PPP1R21: variants seen among roughly 807,000 people sequenced by gnomAD.
PPP1R21 encodes the protein protein phosphatase 1 regulatory subunit 21, also known as KLRAQ motif containing 1.
A neutral mutation model predicts 112.8 loss-of-function variants in PPP1R21; 85 were observed. The ratio of observed to expected loss-of-function variants is 0.75; its 90% CI spans 0.63 to 0.90. The LOEUF is 0.90. Among genes scored for constraint, PPP1R21 ranks in the 40% least tolerant of loss-of-function variants. PPP1R21 has a pLI of 0.00. For missense variants in PPP1R21, 1,199 were observed against 901.5 expected (o/e 1.33, Z -4.23); for synonymous variants, 381 against 322.3 (o/e 1.18, Z -1.95).
chr2:48,453,348 TA>T (rs1490252867), intron 2 of PPP1R21, among the ~76,000 whole-genome samples: 4 of 152,188 alleles, frequency 2.6e-5, no homozygotes, highest in South Asian at 4.1e-4. Context: ...AACATACAGT[TA>T]TTTTTTTATT....
intron 13 of PPP1R21, among the ~76,000 whole-genome samples, chr2:48,480,345 C>A (rs1015502740): frequency 6.6e-6 from 1 of 152,168 alleles, no homozygotes; most frequent in Admixed American, 6.5e-5. Context: ...AAATACGTTG[C>A]GCTTCTTAGA....
chr2:48,460,237 A>T, intron 6 of PPP1R21, 84 bp downstream of exon 6: 1 of 1,346,316 alleles, frequency 7.4e-7, no homozygotes, highest in South Asian at 1.2e-5. Flanking sequence ...CCTCTGTTTT[A>T]ATTGTCTTAC....
chr2:48,491,105 C>T lies in PPP1R21; in HGVS notation c.1534C>T (p.Leu512Phe). The change falls in exon 15 of 22, where the codon CTT (leucine) becomes TTT (phenylalanine). Residue 512 changes from leucine (L) to phenylalanine (F), a missense_variant. Coordinates refer to ENST00000294952, the MANE Select transcript of PPP1R21 (RefSeq NM_001135629.3). ...PKAASGFISP[L>F]SAECMLQYKK... ...GGCAGCGAGTGGATTCATTAGTCCT[C>T]TTTCAGCTGAATGCATGCTACAGTA... The T allele has an allele frequency of 6.2e-7, 1 of 1,614,182 alleles. No homozygotes were observed. Among genetic ancestry groups the T allele is most frequent in the Non-Finnish European group, 8.5e-7 (1 of 1,180,028 alleles).
intron 11 of PPP1R21, among the ~76,000 whole-genome samples, chr2:48,473,320 A>G (rs560967088): frequency 6.6e-6 from 1 of 152,342 alleles, no homozygotes; most frequent in South Asian, 2.1e-4. Context: ...AATCGACTCT[A>G]GAGGTTTAAC....
rs574340018 is a variant in PPP1R21 at position 48,471,379 on chromosome 2, C to T, written c.1088+12C>T. On this transcript the variant is annotated intron_variant, in intron 11 of 21. Coordinates refer to ENST00000294952, the MANE Select transcript of PPP1R21 (RefSeq NM_001135629.3). ...TATCAGTTAAAAAGGTAGTTACCCCCGGAGGCCAGGGAACTTGGGGAATTG... is the reference window on the plus strand; with the variant it reads ...TATCAGTTAAAAAGGTAGTTACCCCTGGAGGCCAGGGAACTTGGGGAATTG... The T allele has an allele frequency of 3.3e-5, 53 of 1,595,898 alleles. No homozygotes were observed. The highest frequency in any genetic ancestry group is 1.8e-4 in the South Asian group (16 of 86,920).
chr2:48,475,256 G>C lies in PPP1R21; in HGVS notation c.1225+437G>C, dbSNP rs959307276. On this transcript the variant is annotated intron_variant, in intron 12 of 21. Transcript: ENST00000294952. ...TAGTCCCAGCTACTCTGGAGGCTGA[G>C]GTGGGAGGATCACTTGAGCCAAGGA... Among the ~76,000 whole-genome samples, 8 of 152,146 alleles carry C rather than the reference G, an allele frequency of 5.3e-5. No homozygotes were observed. In the South Asian group the frequency reaches 1.7e-3, roughly 31 times the overall value.
At position 48,471,118 on chromosome 2, in the gene PPP1R21, A is replaced by G. The variant is rs184011555; in HGVS notation, c.929A>G (p.Tyr310Cys). ...FSQYLHENAS[Y>C]VRPLEEGMLH... is the part of the protein sequence containing the mutation. ...CAATACCTTCATGAAAATGCGTCCT[A>G]TGTCCGCCCTCTTGAGGAAGGAATG... Residue 310 changes from tyrosine (Y) to cysteine (C), a missense_variant, in exon 10 of 22, where the codon TAT becomes TGT. Tyr to Cys is a radical substitution (Grantham distance 194). Transcript: ENST00000294952. The G allele has an allele frequency of 1.2e-6, 2 of 1,612,736 alleles. No individual in the cohort carries two copies. Among genetic ancestry groups the G allele is most frequent in the East Asian group, 2.2e-5 (1 of 44,830 alleles).
intron 6 of PPP1R21, 86 bp from the exon 7 acceptor site, chr2:48,461,052 A>G (rs1572842373): frequency 2.0e-6 from 3 of 1,494,276 alleles, no homozygotes; most frequent in Non-Finnish European, 8.9e-7. Context: ...CTGGAAGCCT[A>G]CTACCAGCTG....
chr2:48,492,681 A>G (rs373621408), intron 15 of PPP1R21, among the ~76,000 whole-genome samples: 12 of 152,318 alleles, frequency 7.9e-5, no homozygotes, highest in African/African-American at 2.9e-4. Flanking sequence ...AGTAGTTGCT[A>G]GTTGTCCTTC....
At chr2:48,488,280 C>G (rs959853707) in intron 14 of PPP1R21, among the ~76,000 whole-genome samples, 1 of 152,094 alleles carries the variant, frequency 6.6e-6, no homozygotes, top group African/African-American at 2.4e-5. Flanking sequence ...ATGCCAGATG[C>G]TTTTGGAGGA....
intron 12 of PPP1R21, among the ~76,000 whole-genome samples, chr2:48,478,816 T>A (rs2103885407): frequency 6.6e-6 from 1 of 152,352 alleles, no homozygotes; most frequent in South Asian, 2.1e-4. Context: ...GCCATAATTT[T>A]TTAGAGTACA....
At position 48,510,087 on chromosome 2, in the gene PPP1R21, G is replaced by C; in HGVS notation, c.2158G>C (p.Ala720Pro). 6.2e-7 allele frequency: 1 copy of C among 1,613,916 alleles called. No individual in the cohort carries two copies. Among genetic ancestry groups the C allele is most frequent in the Non-Finnish European group, 8.5e-7 (1 of 1,179,854 alleles). Reference sequence around the variant, plus strand: ...AGCATTGACAGAAGAAATGAAACTTGCCAGTCAGAACATCAGCAGACTTCA... The same window carrying C: ...AGCATTGACAGAAGAAATGAAACTTCCCAGTCAGAACATCAGCAGACTTCA... ...KEALTEEMKL[A>P]SQNISRLQDE... Residue 720 changes from alanine (A) to proline (P), a missense_variant, in exon 20 of 22, where the codon GCC becomes CCC. Transcript: ENST00000294952.
In PPP1R21 at chr2:48,473,218, A is replaced by G. The variant is rs141531768; in HGVS notation, c.1089-1465A>G. ...GATAGGATATTAGGAAATACTGGGA[A>G]TCAGATAATTATGGCTTAAACTAAT... On this transcript the variant is annotated intron_variant, in intron 11 of 21. Coordinates refer to ENST00000294952, the MANE Select transcript of PPP1R21 (RefSeq NM_001135629.3). 4.3e-3 allele frequency among the ~76,000 whole-genome samples: 656 copies of G among 152,190 alleles called. 7 individuals carry two copies. Among genetic ancestry groups the G allele is most frequent in the African/African-American group, 0.015 (617 of 41,552 alleles).
In PPP1R21 at chr2:48,459,926, C is replaced by T. The variant is rs1183375714; in HGVS notation, c.540+8C>T. 2 of 1,611,188 alleles carry T rather than the reference C, an allele frequency of 1.2e-6. No individual in the cohort carries two copies. The highest frequency in any genetic ancestry group is 1.7e-4 in the Middle Eastern group (1 of 6,042). On this transcript the variant is annotated splice_region_variant and intron_variant, in intron 5 of 21. Coordinates refer to ENST00000294952, the MANE Select transcript of PPP1R21 (RefSeq NM_001135629.3). Reference sequence around the variant, plus strand: ...GACAAGGCTAAACTAGAAGTAAGCCCCATTGTGAGAGCACACTAAAAAATA... The same window carrying T: ...GACAAGGCTAAACTAGAAGTAAGCCTCATTGTGAGAGCACACTAAAAAATA...
Position 48,469,527 on chromosome 2 carries a change from T to TAGAGC in PPP1R21, c.898-1559_898-1558insGAGCA, listed in dbSNP as rs1558457903. Reference sequence around the variant, plus strand: ...TATAGAGCATATATATATATATATATATATATATAGAGCATATATATATAT... The same window carrying TAGAGC: ...TATAGAGCATATATATATATATATATAGAGCATATATATAGAGCATATATATATAT... On this transcript the variant is annotated intron_variant, in intron 9 of 21. Coordinates refer to ENST00000294952, the MANE Select transcript of PPP1R21 (RefSeq NM_001135629.3). 6.0e-4 allele frequency among the ~76,000 whole-genome samples: 36 copies of TAGAGC among 59,842 alleles called. 5 individuals carry two copies. The highest frequency in any genetic ancestry group is 3.2e-3 in the South Asian group (5 of 1,540). The allele number at this position is 59,842 out of a possible 152,430, so 39.3% of individuals were successfully genotyped here.
At chr2:48,502,676 CTTTT>C (rs762811938) in intron 17 of PPP1R21, among the ~76,000 whole-genome samples, 69 of 94,038 alleles carry the variant, frequency 7.3e-4, no homozygotes, top group African/African-American at 2.7e-3. Context: ...AGAAACTTTT[CTTTT>C]TTTTTTTTTT....
chr2:48,486,666 G>T lies in PPP1R21; in HGVS notation c.1354G>T (p.Glu452Ter). The T allele has an allele frequency of 6.2e-7, 1 of 1,613,002 alleles. No homozygotes were observed. Among genetic ancestry groups the T allele is most frequent in the South Asian group, 1.1e-5 (1 of 91,036 alleles). The change falls in exon 14 of 22, where the codon GAG becomes TAG. Residue 452 changes from glutamate (E) to a stop codon, truncating the protein, a stop_gained. Transcript: ENST00000294952. LOFTEE classifies it high-confidence loss of function. ...ACATTATAGTCAAAAAGCTGCAATAGAGCATGAACTTCCAACAGCAACACA... is the reference window on the plus strand; with the variant it reads ...ACATTATAGTCAAAAAGCTGCAATATAGCATGAACTTCCAACAGCAACACA... ...SKHYSQKAAI[E>*]HELPTATQKL...
intron 1 of PPP1R21, 190 bp downstream of exon 1, chr2:48,441,200 G>A: frequency 1.6e-6 from 1 of 613,050 alleles, no homozygotes; most frequent in South Asian, 1.9e-5. Flanking sequence ...GCCGGGCGGT[G>A]TCTGCGTCCG....
intron 11 of PPP1R21, among the ~76,000 whole-genome samples, chr2:48,474,415 T>C (rs1361828851): frequency 1.3e-5 from 2 of 152,200 alleles, no homozygotes; most frequent in Non-Finnish European, 2.9e-5. Flanking sequence ...AGAAATATTC[T>C]AATGTTTTGT....
Sources: allele counts gnomAD v4.1 joint callset (sites outside exome capture counted in the v4.1 genomes callset), GRCh38; gene constraint gnomAD v4.1.1; transcripts MANE v1.5; gene names NCBI Gene and HGNC (gene_info 2026-07-23, HGNC 2026-07-21).